ARHGAP18: variants seen among roughly 807,000 people sequenced by gnomAD.
ARHGAP18 encodes the protein rho GTPase-activating protein 18.
In ARHGAP18, 67 loss-of-function variants were observed where a neutral mutation model predicts 86.2. The ratio of observed to expected loss-of-function variants is 0.78; its 90% CI spans 0.64 to 0.95. ARHGAP18 has a LOEUF of 0.95. Among genes scored for constraint, ARHGAP18 ranks in the 40% least tolerant of loss-of-function variants. ARHGAP18 has a pLI of 0.00. For synonymous variants in ARHGAP18, 283 were observed against 280.4 expected (o/e 1.01, Z -0.09); for missense variants, 691 against 780.4 (o/e 0.89, Z 1.37).
At chr6:129,653,825 A>G (rs1773768534) in intron 1 of ARHGAP18, among the ~76,000 whole-genome samples, 1 of 150,790 alleles carries the variant, frequency 6.6e-6, no homozygotes. Context: ...CATTTGAAGA[A>G]AAAAAAAAAA....
intron 4 of ARHGAP18, among the ~76,000 whole-genome samples, chr6:129,630,077 G>A (rs144759198): frequency 0.01 from 1,583 of 152,202 alleles, 39 homozygotes; most frequent in African/African-American, 0.037. Context: ...ATCACTATGC[G>A]AGTCAGGTCA....
chr6:129,709,607 T>C (rs994209427), intron 1 of ARHGAP18, among the ~76,000 whole-genome samples: 2 of 152,260 alleles, frequency 1.3e-5, no homozygotes, highest in African/African-American at 4.8e-5. Flanking sequence ...GCTTGTACAG[T>C]ACAGTGAACA....
intron 12 of ARHGAP18, among the ~76,000 whole-genome samples, chr6:129,592,126 G>A (rs1361299963): frequency 6.6e-6 from 1 of 151,892 alleles, no homozygotes; most frequent in Admixed American, 6.6e-5. Flanking sequence ...GTATTTTTAT[G>A]CAGTATTAAA....
At chr6:129,591,417 G>T (rs1009439061) in intron 12 of ARHGAP18, among the ~76,000 whole-genome samples, 1 of 152,046 alleles carries the variant, frequency 6.6e-6, no homozygotes. Context: ...GGCAGTATTT[G>T]ACTAACACTC....
At chr6:129,681,679 T>C (rs537689540) in intron 1 of ARHGAP18, among the ~76,000 whole-genome samples, 1 of 152,292 alleles carries the variant, frequency 6.6e-6, no homozygotes. Context: ...GCTTAAAACA[T>C]AGCAACATGA....
intron 1 of ARHGAP18, among the ~76,000 whole-genome samples, chr6:129,676,910 GTCCTCTTTTTT>G (rs1562721062): frequency 3.2e-5 from 1 of 31,706 alleles, no homozygotes; most frequent in Non-Finnish European, 7.9e-5. Context: ...AAAATTTTTT[GTCCTCTTTTTT>G]TTTTTTTTTT....
chr6:129,610,702 A>G (rs1386653559), intron 8 of ARHGAP18, among the ~76,000 whole-genome samples: 9 of 151,840 alleles, frequency 5.9e-5, no homozygotes, highest in African/African-American at 9.7e-5. Context: ...ATCTTGGCTC[A>G]CTGCAACCTC....
intron 1 of ARHGAP18, among the ~76,000 whole-genome samples, chr6:129,676,095 G>T (rs1774227006): frequency 6.6e-6 from 1 of 152,184 alleles, no homozygotes. Flanking sequence ...TTCTTTCCTG[G>T]CTATGTTCCA....
intron 1 of ARHGAP18, among the ~76,000 whole-genome samples, chr6:129,649,943 A>C (rs956605383): frequency 4.4e-5 from 5 of 112,764 alleles, no homozygotes; most frequent in Admixed American, 1.1e-4. Context: ...ACGGAGTTCC[A>C]CTCTTGTTGT....
At chr6:129,680,917 G>A (rs530083065) in intron 1 of ARHGAP18, among the ~76,000 whole-genome samples, 1 of 152,220 alleles carries the variant, frequency 6.6e-6, no homozygotes, top group African/African-American at 2.4e-5. Context: ...CAGCAGTGGA[G>A]GATGGGCCAA....
At chr6:129,588,862 C>T (rs1788455016) in intron 12 of ARHGAP18, among the ~76,000 whole-genome samples, 1 of 152,246 alleles carries the variant, frequency 6.6e-6, no homozygotes. Context: ...CTTCTGTGTA[C>T]CTACAGACTA....
intron 1 of ARHGAP18, among the ~76,000 whole-genome samples, chr6:129,675,623 C>A (rs1358267790): frequency 1.3e-5 from 2 of 152,146 alleles, no homozygotes; most frequent in Non-Finnish European, 2.9e-5. Flanking sequence ...AGCACAGCCA[C>A]CTGCCTTTTC....
chr6:129,657,078 G>A (rs1773853430), intron 1 of ARHGAP18, among the ~76,000 whole-genome samples: 1 of 152,038 alleles, frequency 6.6e-6, no homozygotes, highest in South Asian at 2.1e-4. Flanking sequence ...TTTTCAGATT[G>A]GCTCTTACTC....
intron 2 of ARHGAP18, among the ~76,000 whole-genome samples, chr6:129,641,317 T>C: frequency 6.6e-6 from 1 of 152,216 alleles, no homozygotes; most frequent in Middle Eastern, 3.2e-3. Context: ...AGAAGAGCCT[T>C]CTTCTGTTCG....
At chr6:129,697,589 C>A (rs2114552470) in intron 1 of ARHGAP18, among the ~76,000 whole-genome samples, 1 of 152,246 alleles carries the variant, frequency 6.6e-6, no homozygotes, top group South Asian at 2.1e-4. Flanking sequence ...TGTAAATAAA[C>A]CTTGTTCTAA....
chr6:129,651,323 G>A (rs1773706508), intron 1 of ARHGAP18, among the ~76,000 whole-genome samples: 2 of 152,064 alleles, frequency 1.3e-5, no homozygotes, highest in South Asian at 4.2e-4. Flanking sequence ...CAAAAGGAAG[G>A]GCTGTGGTTG....
chr6:129,710,020 T>C lies in ARHGAP18; in HGVS notation c.113+4A>G. 1 of 1,612,528 alleles carries C rather than the reference T, an allele frequency of 6.2e-7. No individual in the cohort carries two copies. On this transcript the variant is annotated splice_donor_region_variant and intron_variant, in intron 1 of 14. Transcript: ENST00000368149. ...TGTTTTGTTTTCAGCTTCCGAAGGC[T>C]TACCTCGAGGTGGCTTCCTCCCCTG...
At chr6:129,637,150 G>A (rs1287512691) in intron 3 of ARHGAP18, among the ~76,000 whole-genome samples, 1 of 151,620 alleles carries the variant, frequency 6.6e-6, no homozygotes, top group Non-Finnish European at 1.5e-5. Flanking sequence ...CTGCAGCCTC[G>A]ACCTCCAGGG....
intron 1 of ARHGAP18, among the ~76,000 whole-genome samples, chr6:129,648,889 G>A (rs2114506812): frequency 6.6e-6 from 1 of 152,288 alleles, no homozygotes; most frequent in South Asian, 2.1e-4. Flanking sequence ...GAATGACTAT[G>A]AAGAGCTGCA....
Sources: gnomAD v4.1 joint callset for allele counts (sites outside exome capture counted in the v4.1 genomes callset) on GRCh38, gnomAD v4.1.1 for gene constraint, MANE v1.5 for transcripts, NCBI Gene and HGNC (gene_info 2026-07-23, HGNC 2026-07-21) for gene names.